The following OXCT1 variants were observed in gnomAD, a reference collection of about 807,000 sequenced individuals.
OXCT1 encodes the protein 3-oxoacid CoA-transferase 1, also known as succinyl-CoA:3-ketoacid coenzyme A transferase 1, mitochondrial.
Under a neutral mutation model 69.6 loss-of-function variants are expected in OXCT1, and 27 were observed. The observed-to-expected ratio is 0.39, with a 90% confidence interval of 0.29 to 0.54. The LOEUF is 0.54. Among genes scored for constraint, OXCT1 ranks in the 20% least tolerant of loss-of-function variants. The pLI, the probability that OXCT1 is intolerant of heterozygous loss-of-function variation, is 0.72. For missense variants in OXCT1, 437 were observed against 650.2 expected (o/e 0.67, Z 3.57); for synonymous variants, 202 against 217.8 (o/e 0.93, Z 0.64).
chr5:41,731,438 A>C lies in OXCT1; in HGVS notation c.*291T>G, dbSNP rs1742615709. ...CCCTTCTTGGGGAAAGGTTCATATA[A>C]TTTAGCATACATACCATATTCAGTG... On this transcript the variant is annotated 3_prime_UTR_variant, in exon 17 of 17. Transcript: ENST00000196371. The C allele has an allele frequency of 9.8e-7, 1 of 1,017,522 alleles. No individual in the cohort carries two copies. The highest frequency in any genetic ancestry group is 1.6e-5 in the African/African-American group (1 of 60,726). The allele number at this position is 1,017,522 out of a possible 1,614,324, so 63.0% of individuals were successfully genotyped here.
intron 13 of OXCT1, among the ~76,000 whole-genome samples, chr5:41,783,200 C>T (rs528071381): frequency 6.6e-5 from 10 of 152,270 alleles, no homozygotes; most frequent in Non-Finnish European, 1.5e-4. Flanking sequence ...TGGATGTATG[C>T]ATTTACTATT....
intron 7 of OXCT1, among the ~76,000 whole-genome samples, chr5:41,822,221 G>C (rs1747588049): frequency 6.6e-6 from 1 of 152,008 alleles, no homozygotes; most frequent in African/African-American, 2.4e-5. Flanking sequence ...CTCAGAGCTG[G>C]GATTCAGACC....
intron 5 of OXCT1, among the ~76,000 whole-genome samples, chr5:41,844,403 T>C (rs1274680703): frequency 6.6e-6 from 1 of 152,096 alleles, no homozygotes; most frequent in Non-Finnish European, 1.5e-5. Context: ...CAGTTGATCA[T>C]TCCCTTCTTT....
At chr5:41,868,254 A>G (rs1750093744) in intron 1 of OXCT1, among the ~76,000 whole-genome samples, 1 of 152,236 alleles carries the variant, frequency 6.6e-6, no homozygotes. Flanking sequence ...TCTCATCCGT[A>G]CTTTAAACAT....
chr5:41,775,238 C>T (rs1297769081), intron 13 of OXCT1, among the ~76,000 whole-genome samples: 1 of 152,032 alleles, frequency 6.6e-6, no homozygotes, highest in African/African-American at 2.4e-5. Context: ...AAAACTGCTC[C>T]CCATTTCAAA....
At chr5:41,767,373 T>C (rs930131555) in intron 13 of OXCT1, among the ~76,000 whole-genome samples, 15 of 152,232 alleles carry the variant, frequency 9.9e-5, no homozygotes, top group East Asian at 9.7e-4. Context: ...TTAGCAAAAT[T>C]ACTTACAATA....
intron 13 of OXCT1, among the ~76,000 whole-genome samples, chr5:41,765,254 A>G (rs1238526038): frequency 6.6e-6 from 1 of 152,088 alleles, no homozygotes; most frequent in East Asian, 1.9e-4. Flanking sequence ...GAAAAAATGG[A>G]GGTGACATCT....
chr5:41,864,516 G>A (rs922016511), intron 1 of OXCT1, among the ~76,000 whole-genome samples: 2 of 152,126 alleles, frequency 1.3e-5, no homozygotes, highest in African/African-American at 2.4e-5. Context: ...TAATATATTA[G>A]AAATTACAAG....
At chr5:41,807,094 G>C (rs573286586) in intron 8 of OXCT1, among the ~76,000 whole-genome samples, 1 of 152,054 alleles carries the variant, frequency 6.6e-6, no homozygotes, top group Non-Finnish European at 1.5e-5. Flanking sequence ...AGTAGACACA[G>C]CCTAGAGAAT....
chr5:41,766,635 TAAG>T, intron 13 of OXCT1, among the ~76,000 whole-genome samples: 1 of 151,456 alleles, frequency 6.6e-6, no homozygotes, highest in Non-Finnish European at 1.5e-5. Context: ...GGTGATATTT[TAAG>T]GATTTTACAA....
chr5:41,846,733 T>G (rs1429668179), intron 5 of OXCT1, among the ~76,000 whole-genome samples: 1 of 152,202 alleles, frequency 6.6e-6, no homozygotes, highest in African/African-American at 2.4e-5. Flanking sequence ...GTTGAACTAG[T>G]TTATAGTCCC....
chr5:41,819,530 CAACT>C (rs1044787268), intron 7 of OXCT1, among the ~76,000 whole-genome samples: 2 of 152,062 alleles, frequency 1.3e-5, no homozygotes, highest in Admixed American at 6.6e-5. Context: ...GCCACCACAC[CAACT>C]AATTTTTGTA....
chr5:41,806,871 A>G (rs1746706887), intron 8 of OXCT1, among the ~76,000 whole-genome samples: 1 of 152,040 alleles, frequency 6.6e-6, no homozygotes, highest in African/African-American at 2.4e-5. Context: ...CCACAATCTC[A>G]TACTCACCAG....
chr5:41,850,071 T>A lies in OXCT1; in HGVS notation c.523A>T (p.Asn175Tyr), dbSNP rs1749107382. 1 of 1,613,854 alleles carries A rather than the reference T, an allele frequency of 6.2e-7. No homozygotes were observed. Among genetic ancestry groups the A allele is most frequent in the African/African-American group, 1.3e-5 (1 of 74,896 alleles). ...GCAATGGCAACACTGCCATCTTTGT[T>A]GTATTTGATGGGCGATCCTCCTTCT... ...VQEGGSPIKY[N>Y]KDGSVAIASK... The change falls in exon 5 of 17, where the codon AAC (asparagine) becomes TAC (tyrosine). Residue 175 changes from asparagine to tyrosine, a missense_variant. By Grantham distance (143) the Asn-to-Tyr change is moderately radical (BLOSUM62 -2). This residue lies in a region of OXCT1 where 252 missense variants were observed against 397.4 expected (regional missense o/e 0.63). Transcript: ENST00000196371.
At chr5:41,742,696 T>C (rs1430931128) in intron 15 of OXCT1, among the ~76,000 whole-genome samples, 1 of 149,428 alleles carries the variant, frequency 6.7e-6, no homozygotes, top group African/African-American at 2.4e-5. Flanking sequence ...AGTGTTCTCA[T>C]TGTTCAATTC....
rs1226797426 is a variant in OXCT1, at chr5:41,870,294, G to T, written c.65C>A (p.Ala22Glu). 6.2e-7 allele frequency: 1 copy of T among 1,613,530 alleles called. No homozygotes were observed. Among genetic ancestry groups the T allele is most frequent in the African/African-American group, 1.3e-5 (1 of 74,942 alleles). The change falls in exon 1 of 17, where the codon GCA becomes GAA. Residue 22 changes from alanine (A) to glutamate (E), a missense_variant. By Grantham distance (107) the Ala-to-Glu change is moderately radical (BLOSUM62 -1). Transcript: ENST00000196371. The surrounding 1 kb of genome is among the most constrained non-coding windows in gnomAD (Gnocchi z 4.2). ...RLCASARGSG[A>E]TWYKGCVCSF... ...CCCGCACTTTACCTTGTACCAGGTTGCCCCAGATCCGCGGGCAGAGGCGCA... is the reference window on the plus strand; with the variant it reads ...CCCGCACTTTACCTTGTACCAGGTTTCCCCAGATCCGCGGGCAGAGGCGCA...
At position 41,764,488 on chromosome 5, in the gene OXCT1, A is replaced by G. The variant is rs936369623; in HGVS notation, c.1249-2288T>C. Among the ~76,000 whole-genome samples, 3 of 152,266 alleles carry G rather than the reference A, an allele frequency of 2.0e-5. 1 individual carries two copies. The Middle Eastern group carries it at 0.01, about 518-fold the overall frequency. On this transcript the variant is annotated intron_variant, in intron 13 of 16. Coordinates refer to ENST00000196371, the MANE Select transcript of OXCT1 (RefSeq NM_000436.4). ...CAAAACAAGGTCCTTCTCCTGGAAA[A>G]GCTTGTTGCCTATGGAAGGAAAAGT...
chr5:41,791,516 A>G (rs978821176), intron 13 of OXCT1, among the ~76,000 whole-genome samples: 3 of 152,218 alleles, frequency 2.0e-5, no homozygotes, highest in African/African-American at 7.2e-5. Flanking sequence ...CTTTCCTACA[A>G]ATAACTACAT....
chr5:41,756,232 C>G (rs1275586348), intron 14 of OXCT1, among the ~76,000 whole-genome samples: 1 of 151,992 alleles, frequency 6.6e-6, no homozygotes, highest in East Asian at 1.9e-4. Context: ...TGTTTGTTGC[C>G]ATTAAATGAC....
Sources: gnomAD v4.1 joint callset for allele counts (sites outside exome capture counted in the v4.1 genomes callset) on GRCh38, gnomAD v4.1.1 for gene constraint, gnomAD v4.1.1 regional missense constraint, Gnocchi (gnomAD v3.1) non-coding constraint, MANE v1.5 for transcripts, NCBI Gene and HGNC (gene_info 2026-07-23, HGNC 2026-07-21) for gene names.